Variants in STARD13 observed in about 807,000 individuals in gnomAD.
STARD13 encodes StAR related lipid transfer domain containing 13, also known as stAR-related lipid transfer protein 13.
In STARD13, 62 loss-of-function variants were observed where a neutral mutation model predicts 106.4. The observed-to-expected ratio is 0.58, with a 90% CI of 0.48 to 0.72. The LOEUF is 0.72. Ranked by LOEUF, STARD13 falls within the 30% of genes least tolerant of loss-of-function variation. The probability of loss-of-function intolerance (pLI) is 0.00; values close to 1 mark genes in which losing one functional copy is unlikely to be tolerated. For missense variants in STARD13, 1,387 were observed against 1,424.0 expected (o/e 0.97, Z 0.42); for synonymous variants, 565 against 553.0 (o/e 1.02, Z -0.31).
intron 1 of STARD13, among the ~76,000 whole-genome samples, chr13:33,320,838 C>T (rs114603236): frequency 6.1e-4 from 93 of 152,192 alleles, no homozygotes; most frequent in African/African-American, 2.2e-3. Flanking sequence ...CCGATGTGTA[C>T]CATTCTAAAT....
intron 1 of STARD13, among the ~76,000 whole-genome samples, chr13:33,220,696 A>G (rs961339968): frequency 2.0e-5 from 3 of 151,686 alleles, no homozygotes; most frequent in Non-Finnish European, 4.4e-5. Context: ...CATCTCAAAA[A>G]ATAAATAAAT....
intron 1 of STARD13, among the ~76,000 whole-genome samples, chr13:33,240,240 CAT>C (rs2138243734): frequency 6.6e-6 from 1 of 152,190 alleles, no homozygotes; most frequent in South Asian, 2.1e-4. Flanking sequence ...TCCATTGTTC[CAT>C]ATGTCTGTCT....
chr13:33,161,679 C>A (rs1354079820), intron 3 of STARD13, among the ~76,000 whole-genome samples: 1 of 152,026 alleles, frequency 6.6e-6, no homozygotes, highest in East Asian at 1.9e-4. Flanking sequence ...AGCTCAAAGA[C>A]CTATTCACTG....
chr13:33,247,094 G>A (rs1317688574), intron 1 of STARD13, among the ~76,000 whole-genome samples: 4 of 152,232 alleles, frequency 2.6e-5, no homozygotes, highest in African/African-American at 9.6e-5. Flanking sequence ...CTACTTGGGA[G>A]GCTGAGGCAG....
chr13:33,661,508 C>G, the STARD13 span, among the ~76,000 whole-genome samples: 1 of 152,166 alleles, frequency 6.6e-6, no homozygotes, highest in Non-Finnish European at 1.5e-5. Flanking sequence ...CTGCCCGAAA[C>G]TGGGTAATTA....
At chr13:33,377,714 G>T in the STARD13 span, among the ~76,000 whole-genome samples, 1 of 151,668 alleles carries the variant, frequency 6.6e-6, no homozygotes, top group African/African-American at 2.4e-5. Context: ...TAATATTCCT[G>T]GATAATCCAT....
the STARD13 span, among the ~76,000 whole-genome samples, chr13:33,607,541 C>T: frequency 1.3e-5 from 2 of 152,086 alleles, no homozygotes; most frequent in Non-Finnish European, 2.9e-5. Context: ...GGTGATCCGC[C>T]TGCCTCAGCC....
At chr13:33,352,103 T>C (rs1566155603), upstream of STARD13, among the ~76,000 whole-genome samples, 1 of 152,204 alleles carries the variant, frequency 6.6e-6, no homozygotes, top group African/African-American at 2.4e-5. Context: ...ATCTTTGAAA[T>C]AGTCAGTTAT....
At chr13:33,494,102 A>G in the STARD13 span, among the ~76,000 whole-genome samples, 1 of 152,176 alleles carries the variant, frequency 6.6e-6, no homozygotes. Flanking sequence ...AAGCGCTCCA[A>G]TTCTTTCTGA....
intron 1 of STARD13, among the ~76,000 whole-genome samples, chr13:33,239,171 T>G (rs1889344326): frequency 6.6e-6 from 1 of 152,174 alleles, no homozygotes. Context: ...CATAATGACC[T>G]CAAGGCTCAC....
downstream of STARD13, among the ~76,000 whole-genome samples, chr13:33,344,138 A>G (rs2077993490): frequency 6.6e-6 from 1 of 152,188 alleles, no homozygotes. Context: ...AAATATGGAT[A>G]CCAAGACCCC....
At chr13:33,109,779 G>T in intron 12 of STARD13, 94 bp downstream of exon 12, 1 of 1,213,418 alleles carries the variant, frequency 8.2e-7, no homozygotes, top group East Asian at 2.4e-5. Flanking sequence ...GTGGAGGCTG[G>T]ACTTTGGTGG....
At chr13:33,403,750 G>A in the STARD13 span, among the ~76,000 whole-genome samples, 2 of 152,114 alleles carry the variant, frequency 1.3e-5, no homozygotes, top group Non-Finnish European at 2.9e-5. Flanking sequence ...GTCCATTTGG[G>A]TGCCAGGTTA....
intron 1 of STARD13, among the ~76,000 whole-genome samples, chr13:33,202,683 G>A (rs1207909628): frequency 2.0e-5 from 3 of 152,238 alleles, no homozygotes; most frequent in South Asian, 4.1e-4. Context: ...TCAAAGGCAA[G>A]TGATGCTTAA....
At chr13:33,223,246 G>C (rs1259918954) in intron 1 of STARD13, among the ~76,000 whole-genome samples, 1 of 152,140 alleles carries the variant, frequency 6.6e-6, no homozygotes, top group Non-Finnish European at 1.5e-5. Flanking sequence ...GTCCCACTTT[G>C]GTCCTTCAAG....
chr13:33,600,866 G>T, the STARD13 span, among the ~76,000 whole-genome samples: 1 of 151,826 alleles, frequency 6.6e-6, no homozygotes, highest in East Asian at 1.9e-4. Context: ...TTTTAAAGAA[G>T]AATAAAGAGA....
At chr13:33,295,191 CTAATA>C (rs1892441853) in intron 1 of STARD13, among the ~76,000 whole-genome samples, 1 of 152,102 alleles carries the variant, frequency 6.6e-6, no homozygotes, top group Non-Finnish European at 1.5e-5. Context: ...TTCCATATTC[CTAATA>C]TAAGACCACC....
chr13:33,602,390 A>G, the STARD13 span, among the ~76,000 whole-genome samples: 2 of 152,136 alleles, frequency 1.3e-5, no homozygotes, highest in Admixed American at 1.3e-4. Context: ...CAAAACACCT[A>G]GTAATGTTTT....
intron 1 of STARD13, among the ~76,000 whole-genome samples, chr13:33,296,368 C>A (rs1247053790): frequency 6.6e-6 from 1 of 152,088 alleles, no homozygotes; most frequent in African/African-American, 2.4e-5. Context: ...GATATACAAT[C>A]TTTATCAGTC....
Sources: gnomAD v4.1 joint callset for allele counts (sites outside exome capture counted in the v4.1 genomes callset) on GRCh38, gnomAD v4.1.1 for gene constraint, MANE v1.5 for transcripts, NCBI Gene and HGNC (gene_info 2026-07-23, HGNC 2026-07-21) for gene names.